The following TMEM74 variants were observed in gnomAD, a reference collection of about 807,000 sequenced individuals.
TMEM74 encodes transmembrane protein 74.
A neutral mutation model predicts 18.1 loss-of-function variants in TMEM74; 13 were observed. The observed-to-expected ratio is 0.72, with a 90% confidence interval of 0.47 to 1.14. The LOEUF (loss-of-function observed/expected upper bound fraction) is 1.14. TMEM74 is among the 50% of genes most tolerant of loss of function. The probability of loss-of-function intolerance (pLI) is 0.00; values close to 1 mark genes in which losing one functional copy is unlikely to be tolerated. For missense variants in TMEM74, 372 were observed against 375.9 expected, an observed-to-expected ratio of 0.99 and a Z score of 0.09; for synonymous variants, 159 against 146.6, an observed-to-expected ratio of 1.08 and a Z score of -0.61.
At chr8:108,685,332 A>C (rs918421503) in intron 1 of TMEM74, among the ~76,000 whole-genome samples, 1 of 152,046 alleles carries the variant, frequency 6.6e-6, no homozygotes, top group Non-Finnish European at 1.5e-5. Flanking sequence ...CATTCTAATA[A>C]GTTTTGGTAG....
In TMEM74 at chr8:108,740,138, C is replaced by G. The variant is rs545461178; in HGVS notation, n.119+47338G>C. Reference sequence around the variant, plus strand: ...GCCTAGGAAGACTAGAAGCAAACAGCCAGCAAGTCTAGACACATTCCAGAG... The same window carrying G: ...GCCTAGGAAGACTAGAAGCAAACAGGCAGCAAGTCTAGACACATTCCAGAG... On this transcript the variant is annotated intron_variant and non_coding_transcript_variant, in intron 1 of 3. Coordinates refer to the TMEM74 transcript ENST00000518838. 8.5e-5 allele frequency among the ~76,000 whole-genome samples: 13 copies of G among 152,230 alleles called. No individual in the cohort carries two copies. The East Asian group carries it at 2.3e-3, about 27-fold the overall frequency.
rs2129660772 is a variant in TMEM74, at chr8:108,780,464, A to G, written c.*3717T>C. ...TTTTAATTCTCAATATTTAACTAGC[A>G]TGGTGCTCAGTCACTCATTTATCAA... On this transcript the variant is annotated 3_prime_UTR_variant, in exon 2 of 2. Transcript: ENST00000297459. 6.6e-6 allele frequency among the ~76,000 whole-genome samples: 1 copy of G among 152,282 alleles called. No individual in the cohort carries two copies. Among genetic ancestry groups the G allele is most frequent in the Admixed American group, 6.5e-5 (1 of 15,292 alleles).
intron 1 of TMEM74, among the ~76,000 whole-genome samples, chr8:108,688,138 G>T (rs1350130127): frequency 1.3e-5 from 2 of 152,138 alleles, no homozygotes; most frequent in Non-Finnish European, 2.9e-5. Context: ...AACTTAAAGA[G>T]ATCGATAATG....
chr8:108,755,979 G>T (rs1586285921), intron 1 of TMEM74, among the ~76,000 whole-genome samples: 5 of 151,920 alleles, frequency 3.3e-5, no homozygotes, highest in Admixed American at 3.3e-4. Flanking sequence ...TTTTACGTTT[G>T]CCATTCCCAG....
intron 1 of TMEM74, among the ~76,000 whole-genome samples, chr8:108,744,176 G>C (rs147263576): frequency 6.6e-6 from 1 of 152,094 alleles, no homozygotes; most frequent in Non-Finnish European, 1.5e-5. Flanking sequence ...GTGGGTTTTG[G>C]TGTCGATCTG....
chr8:108,704,011 A>G (rs73700346), intron 1 of TMEM74, among the ~76,000 whole-genome samples: 15 of 152,352 alleles, frequency 9.8e-5, no homozygotes, highest in African/African-American at 3.1e-4. Context: ...TATTGGCAGA[A>G]GTATAAGGAA....
At chr8:108,634,733 C>T (rs745557519) in intron 2 of TMEM74, among the ~76,000 whole-genome samples, 4 of 151,822 alleles carry the variant, frequency 2.6e-5, no homozygotes, top group South Asian at 4.1e-4. Context: ...GGGAAAGTTT[C>T]CTCAACTTAA....
chr8:108,768,237 T>C (rs1814132002), intron 1 of TMEM74, among the ~76,000 whole-genome samples: 1 of 152,142 alleles, frequency 6.6e-6, no homozygotes, highest in Admixed American at 6.6e-5. Context: ...ATTCAAGCAA[T>C]TTCCTTCACT....
chr8:108,704,559 T>C (rs2130618075), intron 1 of TMEM74, among the ~76,000 whole-genome samples: 1 of 152,354 alleles, frequency 6.6e-6, no homozygotes, highest in South Asian at 2.1e-4. Flanking sequence ...ACCATTATCT[T>C]ATCTTCCACT....
At chr8:108,607,545 T>G (rs1159916244) in exon 4 of TMEM74, 1 of 152,224 alleles carries the variant, frequency 6.6e-6, no homozygotes, top group Non-Finnish European at 1.5e-5. Context: ...TAAACTATTC[T>G]TTGATTAAAT....
At chr8:108,729,766 C>T (rs903987133) in intron 1 of TMEM74, among the ~76,000 whole-genome samples, 1 of 152,086 alleles carries the variant, frequency 6.6e-6, no homozygotes, top group African/African-American at 2.4e-5. Flanking sequence ...TTTGGTTGAA[C>T]AACTTCTATG....
intron 2 of TMEM74, among the ~76,000 whole-genome samples, chr8:108,654,724 C>T (rs1563741448): frequency 1.3e-5 from 2 of 151,514 alleles, no homozygotes; most frequent in Non-Finnish European, 2.9e-5. Flanking sequence ...TCCTTCTTGC[C>T]ATCCTGAAAA....
At chr8:108,678,710 A>G (rs944985599) in intron 1 of TMEM74, among the ~76,000 whole-genome samples, 3 of 150,504 alleles carry the variant, frequency 2.0e-5, no homozygotes, top group Non-Finnish European at 4.4e-5. Flanking sequence ...TTGCTTTATA[A>G]GATTTATTGC....
At chr8:108,719,598 G>A (rs969965465) in intron 1 of TMEM74, among the ~76,000 whole-genome samples, 21 of 151,946 alleles carry the variant, frequency 1.4e-4, no homozygotes, top group Admixed American at 1.3e-4. Flanking sequence ...TTTAATATAT[G>A]GTTTTCTAAC....
rs955853319 is a variant in TMEM74 at position 108,780,281 on chromosome 8, A to G, written c.*3900T>C. 2.6e-5 allele frequency among the ~76,000 whole-genome samples: 4 copies of G among 152,172 alleles called. No homozygotes were observed. Among genetic ancestry groups the G allele is most frequent in the Non-Finnish European group, 5.9e-5 (4 of 68,028 alleles). ...ACCTTCTCCTAAGAGATATACATAT[A>G]GAACACTTTTTTAACTTGACAATTA... On this transcript the variant is annotated 3_prime_UTR_variant, in exon 2 of 2. Transcript: ENST00000297459.
chr8:108,730,676 A>G (rs1423433621), intron 1 of TMEM74, among the ~76,000 whole-genome samples: 1 of 134,070 alleles, frequency 7.5e-6, no homozygotes, highest in Non-Finnish European at 1.5e-5. Context: ...CTCTGTCACC[A>G]GGTTGGAATG....
chr8:108,684,126 G>A (rs1813144379), intron 1 of TMEM74, among the ~76,000 whole-genome samples: 1 of 152,000 alleles, frequency 6.6e-6, no homozygotes, highest in South Asian at 2.1e-4. Flanking sequence ...ACCAACAATG[G>A]GGTTGCTGGA....
At chr8:108,751,730 A>T (rs1813905753) in intron 1 of TMEM74, among the ~76,000 whole-genome samples, 1 of 152,116 alleles carries the variant, frequency 6.6e-6, no homozygotes, top group Non-Finnish European at 1.5e-5. Flanking sequence ...CAATGACAAA[A>T]AATCCAAACA....
At chr8:108,620,842 G>C (rs376006551) in intron 2 of TMEM74, among the ~76,000 whole-genome samples, 1 of 152,054 alleles carries the variant, frequency 6.6e-6, no homozygotes, top group Non-Finnish European at 1.5e-5. Flanking sequence ...AGAGTAAAGA[G>C]AAAGAAACTA....
Sources: gnomAD v4.1 joint callset for allele counts (sites outside exome capture counted in the v4.1 genomes callset) on GRCh38, gnomAD v4.1.1 for gene constraint, MANE v1.5 for transcripts, NCBI Gene and HGNC (gene_info 2026-07-23, HGNC 2026-07-21) for gene names.